Variants in PHF20 observed in about 807,000 individuals in gnomAD.
The protein encoded by PHF20 is PHD finger protein 20.
Under a neutral mutation model 113.5 loss-of-function variants are expected in PHF20, and 23 were observed. That is an observed-to-expected ratio of 0.20 (90% CI 0.15 to 0.29). PHF20 has a LOEUF of 0.29. PHF20 is among the 10% of genes least tolerant of loss of function. The pLI is 1.00. For synonymous variants in PHF20, 434 were observed against 457.3 expected (o/e 0.95, Z 0.65); for missense variants, 943 against 1,219.6 (o/e 0.77, Z 3.38).
rs964744805 is a variant in PHF20, at chr20:35,905,693, G to A, written c.1561+6045G>A. Among the ~76,000 whole-genome samples the A allele has an allele frequency of 8.9e-4, 136 of 152,186 alleles. 2 individuals carry two copies. Among genetic ancestry groups the A allele is most frequent in the Admixed American group, 8.8e-3 (134 of 15,286 alleles). On this transcript the variant is annotated intron_variant, in intron 10 of 17. Coordinates refer to ENST00000374012, the MANE Select transcript of PHF20 (RefSeq NM_016436.5). ...TAACAGCCTGAGCAGACTAACCCACGCCTTAAGGAGTGAGGCTAGATAGGA... is the reference window on the plus strand; with the variant it reads ...TAACAGCCTGAGCAGACTAACCCACACCTTAAGGAGTGAGGCTAGATAGGA...
At chr20:35,875,755 T>C (rs1218562106) in intron 9 of PHF20, among the ~76,000 whole-genome samples, 2 of 152,150 alleles carry the variant, frequency 1.3e-5, no homozygotes, top group African/African-American at 4.8e-5. Context: ...TTAAGGGTAG[T>C]GGTATGTTAG....
chr20:35,772,754 C>G (rs1397554669), intron 1 of PHF20, among the ~76,000 whole-genome samples: 1 of 152,068 alleles, frequency 6.6e-6, no homozygotes, highest in Non-Finnish European at 1.5e-5. Context: ...ATTTCCGTTC[C>G]AATTTAGAGG....
intron 2 of PHF20, among the ~76,000 whole-genome samples, chr20:35,838,725 A>G (rs867200051): frequency 6.6e-6 from 1 of 152,206 alleles, no homozygotes; most frequent in South Asian, 2.1e-4. Flanking sequence ...GTGGTGGTTC[A>G]TGCCTGTAAT....
rs1190357741 is a variant in PHF20, at chr20:35,933,944, A to G, written c.2300+2500A>G. Among the ~76,000 whole-genome samples, 7 of 152,160 alleles carry G rather than the reference A, an allele frequency of 4.6e-5. 1 individual carries two copies. The highest frequency in any genetic ancestry group is 4.6e-4 in the Admixed American group (7 of 15,282). Reference sequence around the variant, plus strand: ...GGGTGGAGCCTGGACTAGAATCCAAATCCTGGCTCTGTCAGGTACTTTTCG... The same window carrying G: ...GGGTGGAGCCTGGACTAGAATCCAAGTCCTGGCTCTGTCAGGTACTTTTCG... On this transcript the variant is annotated intron_variant, in intron 15 of 17. Transcript: ENST00000374012.
chr20:35,809,287 A>G (rs2041936608), intron 2 of PHF20, among the ~76,000 whole-genome samples: 1 of 151,718 alleles, frequency 6.6e-6, no homozygotes, highest in East Asian at 2.0e-4. Context: ...AACATTTAAA[A>G]GATATTCTGG....
At chr20:35,902,141 G>A (rs1193829510) in intron 10 of PHF20, among the ~76,000 whole-genome samples, 1 of 152,162 alleles carries the variant, frequency 6.6e-6, no homozygotes, top group Admixed American at 6.5e-5. Context: ...TGGATTCTGA[G>A]TGCTGTTGGG....
At chr20:35,911,597 A>G (rs1168227376) in intron 10 of PHF20, among the ~76,000 whole-genome samples, 1 of 150,864 alleles carries the variant, frequency 6.6e-6, no homozygotes. Context: ...AAAGTAAGGC[A>G]TGGTGAATTA....
intron 2 of PHF20, among the ~76,000 whole-genome samples, chr20:35,825,703 G>A (rs1406994380): frequency 6.6e-6 from 1 of 150,548 alleles, no homozygotes. Flanking sequence ...GAGTACAATG[G>A]CTATTTACGA....
intron 9 of PHF20, among the ~76,000 whole-genome samples, chr20:35,888,732 C>T (rs1193096062): frequency 6.6e-6 from 1 of 151,094 alleles, no homozygotes; most frequent in Non-Finnish European, 1.5e-5. Context: ...CAGCCTTGGG[C>T]AACATAGGGA....
intron 2 of PHF20, among the ~76,000 whole-genome samples, chr20:35,803,958 GATC>G (rs1241297713): frequency 1.3e-5 from 2 of 151,744 alleles, no homozygotes; most frequent in African/African-American, 2.4e-5. Context: ...GGGCTCAAGT[GATC>G]CTCCTGCCTT....
chr20:35,798,461 CT>C (rs778362391), intron 1 of PHF20, among the ~76,000 whole-genome samples: 6 of 143,578 alleles, frequency 4.2e-5, no homozygotes, highest in South Asian at 4.3e-4. Flanking sequence ...CTTTTCTTTT[CT>C]TTTTTTTTTG....
At chr20:35,871,625 C>T in intron 8 of PHF20, 25 bp from the exon 9 acceptor site, 1 of 1,566,260 alleles carries the variant, frequency 6.4e-7, no homozygotes. Flanking sequence ...GTATATTTCC[C>T]CCAAACTTTC....
intron 4 of PHF20, chr20:35,849,483 G>C: frequency 2.1e-6 from 1 of 469,028 alleles, no homozygotes; most frequent in Non-Finnish European, 4.4e-6. Flanking sequence ...GGTTAATCAT[G>C]GTAGGCACCT....
At position 35,869,401 on chromosome 20, in the gene PHF20, A is replaced by G. The variant is rs751785250; in HGVS notation, c.809-37A>G. ...TAAAAATGACAGACACTAAGAAATT[A>G]TGTATCTTTTTTTGTGTGGTTTTAT... On this transcript the variant is annotated intron_variant, in intron 6 of 17. Coordinates refer to ENST00000374012, the MANE Select transcript of PHF20 (RefSeq NM_016436.5). 14 of 1,039,070 alleles carry G rather than the reference A, an allele frequency of 1.3e-5. No homozygotes were observed. In the South Asian group the frequency reaches 2.0e-4, roughly 15 times the overall value. 64.4% of individuals were successfully genotyped at this position (1,039,070 alleles called of 1,614,324 possible).
chr20:35,831,730 T>G (rs544220369), intron 2 of PHF20, among the ~76,000 whole-genome samples: 3 of 152,186 alleles, frequency 2.0e-5, no homozygotes, highest in Non-Finnish European at 4.4e-5. Flanking sequence ...TATGGGCCAC[T>G]GCGCCCAGCC....
chr20:35,883,428 G>T (rs908186091), intron 9 of PHF20, among the ~76,000 whole-genome samples: 1 of 152,094 alleles, frequency 6.6e-6, no homozygotes, highest in Non-Finnish European at 1.5e-5. Context: ...TATTGTAGAG[G>T]TTGGTAAAAT....
chr20:35,827,716 G>T (rs531371646), intron 2 of PHF20, among the ~76,000 whole-genome samples: 2 of 151,202 alleles, frequency 1.3e-5, no homozygotes, highest in Admixed American at 1.3e-4. Flanking sequence ...CCGGGAGGCG[G>T]AGCTTGCAGT....
intron 4 of PHF20, among the ~76,000 whole-genome samples, chr20:35,853,843 C>T (rs1315847035): frequency 6.6e-6 from 1 of 151,918 alleles, no homozygotes; most frequent in Non-Finnish European, 1.5e-5. Flanking sequence ...CAACCTCTGC[C>T]TCCCAGGTTC....
At chr20:35,774,268 A>G (rs1235320314) in intron 1 of PHF20, among the ~76,000 whole-genome samples, 1 of 151,766 alleles carries the variant, frequency 6.6e-6, no homozygotes, top group African/African-American at 2.4e-5. Context: ...TGTTTTTAGT[A>G]GAGACGGGGT....
Sources: allele counts gnomAD v4.1 joint callset (sites outside exome capture counted in the v4.1 genomes callset), GRCh38; gene constraint gnomAD v4.1.1; transcripts MANE v1.5; gene names NCBI Gene and HGNC (gene_info 2026-07-23, HGNC 2026-07-21).